The following NBEAL1 variants were observed in gnomAD, a reference collection of about 807,000 sequenced individuals.
NBEAL1 encodes neurobeachin like 1, also known as neurobeachin-like protein 1.
A neutral mutation model predicts 351.3 loss-of-function variants in NBEAL1; 273 were observed. The observed-to-expected ratio is 0.78, with a 90% CI of 0.70 to 0.86. The LOEUF (loss-of-function observed/expected upper bound fraction) is 0.86, where lower values mean the gene tolerates loss of function less well. NBEAL1 is among the 40% of genes least tolerant of loss of function. The pLI is 0.00. For missense variants in NBEAL1, 2,961 were observed against 3,201.3 expected (o/e 0.92, Z 1.81); for synonymous variants, 1,050 against 1,086.4 (o/e 0.97, Z 0.66).
intron 55 of NBEAL1, among the ~76,000 whole-genome samples, chr2:203,215,200 A>G (rs2065876665): frequency 6.6e-6 from 1 of 152,120 alleles, no homozygotes; most frequent in Non-Finnish European, 1.5e-5. Flanking sequence ...TACTAAAAAT[A>G]CAAAAATTAG....
chr2:203,077,689 A>G, intron 7 of NBEAL1, 63 bp from the exon 8 acceptor site: 1 of 976,890 alleles, frequency 1.0e-6, no homozygotes, highest in Non-Finnish European at 1.4e-6. Flanking sequence ...GACATTCCTT[A>G]GAGATAAATC....
At chr2:203,168,358 G>T (rs1279557608) in intron 38 of NBEAL1, among the ~76,000 whole-genome samples, 5 of 152,224 alleles carry the variant, frequency 3.3e-5, no homozygotes, top group Non-Finnish European at 5.9e-5. Flanking sequence ...GGCCGAGGCG[G>T]GTGGATCACC....
chr2:203,093,044 A>G (rs1218456057), intron 10 of NBEAL1, among the ~76,000 whole-genome samples: 1 of 151,956 alleles, frequency 6.6e-6, no homozygotes, highest in Non-Finnish European at 1.5e-5. Context: ...CACCCTGGCT[A>G]ACACAGTGAA....
chr2:203,056,704 A>G (rs1362857542), intron 5 of NBEAL1, among the ~76,000 whole-genome samples, 196 bp downstream of exon 5: 2 of 152,120 alleles, frequency 1.3e-5, no homozygotes, highest in African/African-American at 4.8e-5. Flanking sequence ...GTAGCTGGAT[A>G]TTACAGGCAT....
intron 51 of NBEAL1, 124 bp downstream of exon 51, chr2:203,202,905 AC>A: frequency 1.6e-6 from 1 of 627,008 alleles, no homozygotes; most frequent in Non-Finnish European, 2.8e-6. Flanking sequence ...TATTCTTTTT[AC>A]CCACATTTTG....
intron 8 of NBEAL1, among the ~76,000 whole-genome samples, chr2:203,079,774 T>C (rs1190159376): frequency 1.3e-5 from 2 of 152,164 alleles, no homozygotes; most frequent in African/African-American, 2.4e-5. Context: ...TATTACCTTA[T>C]TATTTTTGGC....
At chr2:203,177,581 A>G (rs996489861) in intron 42 of NBEAL1, among the ~76,000 whole-genome samples, 1 of 152,186 alleles carries the variant, frequency 6.6e-6, no homozygotes, top group African/African-American at 2.4e-5. Context: ...CTTCACACCC[A>G]CTATGATAGC....
chr2:203,038,402 G>C (rs2061074047), intron 2 of NBEAL1, among the ~76,000 whole-genome samples: 1 of 148,690 alleles, frequency 6.7e-6, no homozygotes, highest in Non-Finnish European at 1.5e-5. Flanking sequence ...CATTCTAGTG[G>C]GTATATAATA....
chr2:203,119,130 A>C (rs1011185577), intron 18 of NBEAL1, among the ~76,000 whole-genome samples: 1 of 151,588 alleles, frequency 6.6e-6, no homozygotes, highest in South Asian at 2.1e-4. Context: ...TGAGACAGGG[A>C]CTCTATAGTT....
At chr2:203,166,371 G>A in intron 37 of NBEAL1, 74 bp downstream of exon 37, 2 of 1,350,390 alleles carry the variant, frequency 1.5e-6, no homozygotes, top group Admixed American at 2.5e-5. Context: ...TGAATGAGAA[G>A]AAGAAAGCAG....
intron 10 of NBEAL1, among the ~76,000 whole-genome samples, chr2:203,096,430 G>A (rs1419223659): frequency 6.6e-6 from 1 of 152,078 alleles, no homozygotes; most frequent in Non-Finnish European, 1.5e-5. Context: ...TAAGAACCTT[G>A]TTCCTTAGCA....
At position 203,167,284 on chromosome 2, in the gene NBEAL1, G is replaced by C; in HGVS notation, c.5921G>C (p.Arg1974Pro). ...CAAATTCGAGAGATTCATCTCCGGC[G>C]TTACAATTTAAGAAGATCAGCCCTT... Reference protein sequence around the residue: ...HSQIREIHLRRYNLRRSALEI... With the variant: ...HSQIREIHLRPYNLRRSALEI... Residue 1974 changes from arginine (R) to proline (P), a missense_variant, in exon 38 of 56, where the codon CGT (arginine) becomes CCT (proline). Transcript: ENST00000683969. 1 of 1,612,484 alleles carries C rather than the reference G, an allele frequency of 6.2e-7. No individual in the cohort carries two copies. Among genetic ancestry groups the C allele is most frequent in the Non-Finnish European group, 8.5e-7 (1 of 1,179,344 alleles).
intron 27 of NBEAL1, 108 bp from the exon 28 acceptor site, chr2:203,135,569 A>T (rs1442369114): frequency 5.7e-5 from 40 of 696,818 alleles, no homozygotes; most frequent in Non-Finnish European, 9.3e-5. Context: ...ATATTCTTCT[A>T]TAGTTTCTCA....
At chr2:203,026,712 A>G (rs2060864365) in intron 2 of NBEAL1, among the ~76,000 whole-genome samples, 2 of 152,074 alleles carry the variant, frequency 1.3e-5, no homozygotes, top group Admixed American at 6.6e-5. Flanking sequence ...ACAGTGTTTC[A>G]CCATGTTGGC....
chr2:203,070,962 G>C (rs1298861486), intron 7 of NBEAL1, among the ~76,000 whole-genome samples: 1 of 152,120 alleles, frequency 6.6e-6, no homozygotes, highest in African/African-American at 2.4e-5. Flanking sequence ...AGGTCTTGCT[G>C]TGTTGCCTCC....
intron 34 of NBEAL1, 82 bp downstream of exon 34, chr2:203,149,230 C>A: frequency 1.1e-6 from 1 of 928,978 alleles, no homozygotes; most frequent in Non-Finnish European, 1.5e-6. Flanking sequence ...CCCCCTTTCA[C>A]TCCAATTTCT....
At chr2:203,193,580 T>C (rs1290528485) in intron 46 of NBEAL1, among the ~76,000 whole-genome samples, 29 of 151,978 alleles carry the variant, frequency 1.9e-4, no homozygotes, top group Non-Finnish European at 5.9e-5. Flanking sequence ...TTAGGAGAGA[T>C]ATCAGTAAGA....
chr2:203,058,855 T>C (rs1018850321), intron 6 of NBEAL1, among the ~76,000 whole-genome samples: 21 of 152,144 alleles, frequency 1.4e-4, no homozygotes, highest in African/African-American at 4.6e-4. Flanking sequence ...TTAGTGACAA[T>C]AGCTGAATTA....
intron 46 of NBEAL1, among the ~76,000 whole-genome samples, chr2:203,191,626 T>C (rs971052388): frequency 6.6e-6 from 1 of 152,194 alleles, no homozygotes; most frequent in Non-Finnish European, 1.5e-5. Flanking sequence ...ATAGTAAAAA[T>C]TCAGCTATCC....
Sources: allele counts gnomAD v4.1 joint callset (sites outside exome capture counted in the v4.1 genomes callset), GRCh38; gene constraint gnomAD v4.1.1; transcripts MANE v1.5; gene names NCBI Gene and HGNC (gene_info 2026-07-23, HGNC 2026-07-21).